The following SLC38A1 variants were observed in gnomAD, a reference collection of about 807,000 sequenced individuals.
SLC38A1 encodes sodium-coupled neutral amino acid symporter 1.
Under a neutral mutation model 60.3 loss-of-function variants are expected in SLC38A1, and 18 were observed. The observed-to-expected ratio is 0.30, with a 90% CI of 0.21 to 0.44. The LOEUF (loss-of-function observed/expected upper bound fraction) is 0.44. SLC38A1 is among the 20% of genes least tolerant of loss of function. The pLI, the probability that SLC38A1 is intolerant of heterozygous loss-of-function variation, is 1.00. For synonymous variants in SLC38A1, 196 were observed against 212.1 expected (o/e 0.92, Z 0.66); for missense variants, 448 against 587.2 (o/e 0.76, Z 2.45).
At chr12:46,246,466 C>T (rs1443695903) in intron 1 of SLC38A1, among the ~76,000 whole-genome samples, 2 of 152,212 alleles carry the variant, frequency 1.3e-5, no homozygotes, top group African/African-American at 4.8e-5. Flanking sequence ...GGGTGTCCAC[C>T]ATTTCTGAGG....
intron 2 of SLC38A1, 39 bp downstream of exon 2, chr12:46,243,161 T>C (rs1941502495): frequency 6.6e-6 from 1 of 151,880 alleles, no homozygotes; most frequent in Admixed American, 6.6e-5. Flanking sequence ...AATACAATTT[T>C]TCAAATGGAA....
At chr12:46,234,511 T>C (rs376655807) in intron 3 of SLC38A1, among the ~76,000 whole-genome samples, 1 of 150,746 alleles carries the variant, frequency 6.6e-6, no homozygotes, top group Non-Finnish European at 1.5e-5. Flanking sequence ...GCAGTGGCGC[T>C]ATCTCGGCTC....
At position 46,201,150 on chromosome 12, in the gene SLC38A1, G is replaced by A; in HGVS notation, c.951C>T (p.Ala317=). The A allele has an allele frequency of 6.2e-7, 1 of 1,613,384 alleles. No homozygotes were observed. The highest frequency in any genetic ancestry group is 1.1e-5 in the South Asian group (1 of 90,940). Residue 317 remains alanine (A), a synonymous_variant, in exon 13 of 17, where the codon GCC becomes GCT. Coordinates refer to ENST00000398637, the MANE Select transcript of SLC38A1 (RefSeq NM_030674.4). ...CAGTCAAGAAGTACATAACAAACAT[G>A]GCGAAAAAGGAGATGTTTGAAACCA... ...MQMVSNISFF[A]MFVMYFLTAI...
intron 3 of SLC38A1, among the ~76,000 whole-genome samples, chr12:46,235,891 C>A (rs1327869271): frequency 6.6e-6 from 1 of 152,178 alleles, no homozygotes; most frequent in African/African-American, 2.4e-5. Flanking sequence ...AAAATACAAG[C>A]ATATTTGTCT....
intron 1 of SLC38A1, among the ~76,000 whole-genome samples, chr12:46,258,306 C>T (rs894872107): frequency 2.0e-5 from 3 of 152,124 alleles, no homozygotes; most frequent in African/African-American, 7.2e-5. Context: ...TTACTCAGCT[C>T]CTATTTAAGA....
At chr12:46,234,031 C>T (rs1941168605) in intron 3 of SLC38A1, among the ~76,000 whole-genome samples, 1 of 152,160 alleles carries the variant, frequency 6.6e-6, no homozygotes, top group South Asian at 2.1e-4. Context: ...ATTCACTTTC[C>T]CTTGAGGAGG....
intron 3 of SLC38A1, among the ~76,000 whole-genome samples, chr12:46,233,218 T>C (rs1192427116): frequency 2.6e-5 from 4 of 152,068 alleles, no homozygotes. Flanking sequence ...GGATGGAGTC[T>C]TGCTATGTTG....
At chr12:46,255,069 T>C (rs1480513709) in intron 1 of SLC38A1, 1 of 152,224 alleles carries the variant, frequency 6.6e-6, no homozygotes, top group African/African-American at 2.4e-5. Flanking sequence ...TCTGTGAGAG[T>C]TCTGAAAGTT....
At chr12:46,205,995 G>T in intron 9 of SLC38A1, 85 bp downstream of exon 9, 1 of 761,656 alleles carries the variant, frequency 1.3e-6, no homozygotes, top group Non-Finnish European at 2.2e-6. Context: ...CAGAGGGGAA[G>T]CAGAGGGCAA....
intron 16 of SLC38A1, among the ~76,000 whole-genome samples, chr12:46,190,895 T>C (rs1485461645): frequency 6.6e-5 from 10 of 152,250 alleles, no homozygotes; most frequent in Non-Finnish European, 5.9e-5. Flanking sequence ...CTATTCACTC[T>C]GATGGTAGTT....
In SLC38A1 at chr12:46,239,724, T is replaced by C. The variant is rs1941380606; in HGVS notation, c.77A>G (p.Asn26Ser). The change falls in exon 3 of 17, where the codon AAT (asparagine) becomes AGT (serine). Residue 26 changes from asparagine (N) to serine (S), a missense_variant. By Grantham distance (46) the Asn-to-Ser change is conservative (BLOSUM62 1). Transcript: ENST00000398637. ...MTVPEDDNISNDSNDFTEVEN... is the reference protein window; with the variant it reads ...MTVPEDDNISSDSNDFTEVEN... Reference sequence around the variant, plus strand: ...TACTTCGGTGAAATCATTGGAGTCATTGCTAATGTTATCATCCTCGGGCAC... The same window carrying C: ...TACTTCGGTGAAATCATTGGAGTCACTGCTAATGTTATCATCCTCGGGCAC... 1 of 1,613,720 alleles carries C rather than the reference T, an allele frequency of 6.2e-7. No homozygotes were observed. Among genetic ancestry groups the C allele is most frequent in the African/African-American group, 1.3e-5 (1 of 75,018 alleles).
chr12:46,242,605 CAAACAACAACAAAAAAACA>C (rs1302631561), intron 2 of SLC38A1, among the ~76,000 whole-genome samples: 6 of 151,256 alleles, frequency 4.0e-5, no homozygotes, highest in South Asian at 2.1e-4. Context: ...CTACAAAAAA[CAAACAACAACAAAAAAACA>C]AAACAACAAC....
intron 11 of SLC38A1, among the ~76,000 whole-genome samples, chr12:46,203,634 C>A (rs570845146): frequency 6.6e-6 from 1 of 152,158 alleles, no homozygotes; most frequent in African/African-American, 2.4e-5. Flanking sequence ...AGAAAGATCG[C>A]GATCTATTTA....
chr12:46,211,532 C>T (rs891526273), intron 5 of SLC38A1, among the ~76,000 whole-genome samples: 3 of 152,236 alleles, frequency 2.0e-5, no homozygotes, highest in Admixed American at 6.5e-5. Flanking sequence ...TGCAACCACG[C>T]GGTTCTTGCA....
chr12:46,233,192 A>T (rs969653712), intron 3 of SLC38A1, among the ~76,000 whole-genome samples: 4 of 151,718 alleles, frequency 2.6e-5, no homozygotes, highest in Admixed American at 6.6e-5. Context: ...CTTATCTTTT[A>T]AAAAAAATTG....
chr12:46,239,610 T>A (rs1231443385), intron 3 of SLC38A1, 69 bp downstream of exon 3: 4 of 1,570,486 alleles, frequency 2.5e-6, no homozygotes, highest in Non-Finnish European at 3.5e-6. Flanking sequence ...CCCAAAGTGA[T>A]GGGATTACAG....
At chr12:46,211,007 A>G (rs550606970) in intron 5 of SLC38A1, among the ~76,000 whole-genome samples, 2 of 152,222 alleles carry the variant, frequency 1.3e-5, no homozygotes, top group African/African-American at 2.4e-5. Flanking sequence ...GTAATGGAAC[A>G]GGATTTGATA....
At chr12:46,190,568 C>T (rs1939105622) in intron 16 of SLC38A1, among the ~76,000 whole-genome samples, 1 of 152,196 alleles carries the variant, frequency 6.6e-6, no homozygotes, top group South Asian at 2.1e-4. Context: ...TAAAAGTGTT[C>T]CTATTTCTCC....
chr12:46,203,197 C>T, intron 11 of SLC38A1, 108 bp from the exon 12 acceptor site: 1 of 893,386 alleles, frequency 1.1e-6, no homozygotes, highest in Admixed American at 2.4e-5. Flanking sequence ...TTCAGAATCC[C>T]TGGATTATTC....
Sources: allele counts gnomAD v4.1 joint callset (sites outside exome capture counted in the v4.1 genomes callset), GRCh38; gene constraint gnomAD v4.1.1; transcripts MANE v1.5; gene names NCBI Gene and HGNC (gene_info 2026-07-23, HGNC 2026-07-21).